Variants in PP2D1 observed in about 807,000 individuals in gnomAD.
PP2D1 encodes protein phosphatase 2C like domain containing 1.
In PP2D1, 25 loss-of-function variants were observed where a neutral mutation model predicts 30.2. That is an observed-to-expected ratio of 0.83 (90% CI 0.60 to 1.16). The LOEUF (loss-of-function observed/expected upper bound fraction) is 1.16. PP2D1 is among the 50% of genes most tolerant of loss of function. PP2D1 has a pLI of 0.00. For missense variants in PP2D1, 760 were observed against 742.4 expected, an observed-to-expected ratio of 1.02 and a Z score of -0.28; for synonymous variants, 260 against 258.9, an observed-to-expected ratio of 1.00 and a Z score of -0.04.
intron 2 of PP2D1, among the ~76,000 whole-genome samples, chr3:19,990,905 G>C (rs1697111794): frequency 6.6e-6 from 1 of 152,132 alleles, no homozygotes; most frequent in Admixed American, 6.6e-5. Context: ...GCCTTCAATA[G>C]TTTAAGAGAA....
chr3:19,998,990 C>A (rs1410219789), intron 2 of PP2D1, among the ~76,000 whole-genome samples: 2 of 151,678 alleles, frequency 1.3e-5, no homozygotes, highest in Non-Finnish European at 2.9e-5. Flanking sequence ...TGCCTAGATG[C>A]AAACAGTTTA....
intron 1 of PP2D1, among the ~76,000 whole-genome samples, chr3:20,011,673 C>T (rs929432066): frequency 6.6e-6 from 1 of 152,098 alleles, no homozygotes; most frequent in African/African-American, 2.4e-5. Context: ...GTGGCAGCCG[C>T]CTGCAGTCCC....
chr3:20,011,358 C>T (rs1391424779), intron 1 of PP2D1, among the ~76,000 whole-genome samples: 17 of 152,142 alleles, frequency 1.1e-4, no homozygotes, highest in Non-Finnish European at 1.9e-4. Context: ...TATAAAGCAC[C>T]GCAACAGTGT....
In PP2D1 at chr3:19,986,080, C is replaced by G. The variant is rs1697029301; in HGVS notation, c.1193G>C (p.Gly398Ala). The G allele has an allele frequency of 6.5e-6, 10 of 1,536,008 alleles. No homozygotes were observed. The highest frequency in any genetic ancestry group is 8.7e-6 in the Non-Finnish European group (10 of 1,146,822). Residue 398 changes from glycine (G) to alanine (A), a missense_variant, in exon 3 of 3, where the codon GGA (glycine) becomes GCA (alanine). Transcript: ENST00000389050. ...TGGTTCATTTGAACTAATGACTGCT[C>G]CATTCTGAAGTATTCTTCTTCTTTC... is the stretch of plus-strand genomic sequence containing the variant. ...TNERRRILQN[G>A]AVISSNEPYG...
chr3:19,981,013 A>T (rs1696915185), downstream of PP2D1, among the ~76,000 whole-genome samples: 1 of 152,214 alleles, frequency 6.6e-6, no homozygotes, highest in Non-Finnish European at 1.5e-5. Flanking sequence ...GAGTAACCTG[A>T]GTCAAAGCTA....
downstream of PP2D1, among the ~76,000 whole-genome samples, chr3:19,980,949 G>A (rs1559493609): frequency 6.6e-6 from 1 of 152,214 alleles, no homozygotes; most frequent in East Asian, 1.9e-4. Context: ...AAGGATAAAA[G>A]GTTCACAATG....
In PP2D1 at chr3:20,006,678, T is replaced by G. The variant is rs895532455; in HGVS notation, c.24-4582A>C. 6.6e-5 allele frequency among the ~76,000 whole-genome samples: 10 copies of G among 152,200 alleles called. No homozygotes were observed. The East Asian group carries it at 1.5e-3, about 24-fold the overall frequency. On this transcript the variant is annotated intron_variant, in intron 1 of 2. Coordinates refer to ENST00000389050, the MANE Select transcript of PP2D1 (RefSeq NM_001252657.2). ...GTTTTTGCCATGTTGGCCAAGCTGG[T>G]CTTGAACTCCTGGCCTCATGTGATC...
intron 2 of PP2D1, among the ~76,000 whole-genome samples, chr3:20,000,276 G>A (rs922860456): frequency 6.6e-6 from 1 of 152,088 alleles, no homozygotes; most frequent in Admixed American, 6.6e-5. Flanking sequence ...CAAAGTTATT[G>A]TAAGACTAGA....
intron 2 of PP2D1, among the ~76,000 whole-genome samples, chr3:19,988,682 G>A (rs1334102703): frequency 1.3e-5 from 2 of 152,114 alleles, no homozygotes; most frequent in African/African-American, 4.8e-5. Context: ...GCTTGAGGGG[G>A]CATCACGGAA....
intron 1 of PP2D1, among the ~76,000 whole-genome samples, chr3:20,005,241 C>T (rs1469404996): frequency 6.6e-6 from 1 of 152,082 alleles, no homozygotes; most frequent in Non-Finnish European, 1.5e-5. Flanking sequence ...CAACCTCCAC[C>T]TCCTGGGTTC....
chr3:19,990,227 C>G (rs911521756), intron 2 of PP2D1, among the ~76,000 whole-genome samples: 2 of 151,876 alleles, frequency 1.3e-5, no homozygotes, highest in Non-Finnish European at 2.9e-5. Context: ...TTACTGCAGC[C>G]TTGACCTCCC....
chr3:19,994,472 C>CA (rs893204524), intron 2 of PP2D1, among the ~76,000 whole-genome samples: 1 of 152,166 alleles, frequency 6.6e-6, no homozygotes, highest in African/African-American at 2.4e-5. Context: ...CTCTGCAAAA[C>CA]AAAGAATGTG....
At chr3:20,000,692 T>C (rs1697239186) in intron 2 of PP2D1, among the ~76,000 whole-genome samples, 1 of 152,322 alleles carries the variant, frequency 6.6e-6, no homozygotes, top group South Asian at 2.1e-4. Context: ...AAAAAGGAAG[T>C]GTACAAAATG....
intron 2 of PP2D1, among the ~76,000 whole-genome samples, chr3:19,995,679 T>C (rs1488881047): frequency 6.6e-6 from 1 of 152,214 alleles, no homozygotes; most frequent in Non-Finnish European, 1.5e-5. Context: ...GGCACAGATG[T>C]TGCAATTAGC....
At chr3:20,002,602 T>A (rs144802165) in intron 1 of PP2D1, among the ~76,000 whole-genome samples, 55 of 152,276 alleles carry the variant, frequency 3.6e-4, no homozygotes, top group African/African-American at 1.1e-3. Flanking sequence ...ACAAACCTAC[T>A]GTGCTGCCAG....
chr3:20,006,706 C>T (rs1214861391), intron 1 of PP2D1, among the ~76,000 whole-genome samples: 2 of 152,052 alleles, frequency 1.3e-5, no homozygotes, highest in East Asian at 1.9e-4. Context: ...ATGTGATCCA[C>T]CCGCCCTGCC....
chr3:19,987,039 A>G (rs927276910), intron 2 of PP2D1, among the ~76,000 whole-genome samples: 3 of 61,334 alleles, frequency 4.9e-5, no homozygotes, highest in South Asian at 4.6e-4. Flanking sequence ...ATCTGCCTCA[A>G]AAAAAAAAAA....
At chr3:19,984,260 C>T, downstream of PP2D1, 2 of 429,552 alleles carry the variant, frequency 4.7e-6, 1 homozygote, top group South Asian at 3.3e-5. Flanking sequence ...TGATGCTTAG[C>T]CATAGTATTC....
chr3:20,010,843 A>G (rs1697376485), intron 1 of PP2D1, among the ~76,000 whole-genome samples: 1 of 152,124 alleles, frequency 6.6e-6, no homozygotes, highest in Non-Finnish European at 1.5e-5. Flanking sequence ...AAAATAAAAA[A>G]TACCTACAAT....
Sources: gnomAD v4.1 joint callset for allele counts (sites outside exome capture counted in the v4.1 genomes callset) on GRCh38, gnomAD v4.1.1 for gene constraint, MANE v1.5 for transcripts, NCBI Gene and HGNC (gene_info 2026-07-23, HGNC 2026-07-21) for gene names.